RAD51B: variants seen among roughly 807,000 people sequenced by gnomAD.
RAD51B encodes DNA repair protein RAD51 homolog 2.
In RAD51B, 38 loss-of-function variants were observed where a neutral mutation model predicts 42.2. The ratio of observed to expected loss-of-function variants is 0.90; its 90% CI spans 0.70 to 1.18. The LOEUF is 1.18. RAD51B is among the 50% of genes most tolerant of loss of function. The pLI is 0.00. For synonymous variants in RAD51B, 154 were observed against 145.2 expected, an observed-to-expected ratio of 1.06 and a Z score of -0.43; for missense variants, 373 against 400.7, an observed-to-expected ratio of 0.93 and a Z score of 0.59.
intron 8 of RAD51B, among the ~76,000 whole-genome samples, chr14:68,310,429 A>G (rs2139724308): frequency 6.6e-6 from 1 of 152,298 alleles, no homozygotes; most frequent in East Asian, 1.9e-4. Flanking sequence ...TGAAGCCTGT[A>G]AACCACACGG....
In RAD51B at chr14:67,919,257, G is replaced by A. The variant is rs116000816; in HGVS notation, c.756+32053G>A. Among the ~76,000 whole-genome samples, 1,348 of 152,288 alleles carry A rather than the reference G, an allele frequency of 8.9e-3. 20 individuals are homozygous for A. Among genetic ancestry groups the A allele is most frequent in the African/African-American group, 0.031 (1,270 of 41,560 alleles). Reference sequence around the variant, plus strand: ...ATAGTATTCTGTGAAGGTTCGTAAAGTTTAGTACTGTAGGAAACCAGAATA... The same window carrying A: ...ATAGTATTCTGTGAAGGTTCGTAAAATTTAGTACTGTAGGAAACCAGAATA... On this transcript the variant is annotated intron_variant, in intron 7 of 10. Transcript: ENST00000471583.
chr14:68,240,252 T>A (rs979640705), intron 7 of RAD51B, among the ~76,000 whole-genome samples: 10 of 152,164 alleles, frequency 6.6e-5, no homozygotes, highest in African/African-American at 2.4e-4. Context: ...GTGCGATGAC[T>A]TAGAACAGCG....
intron 8 of RAD51B, among the ~76,000 whole-genome samples, chr14:68,362,253 C>T (rs2083040734): frequency 6.6e-6 from 1 of 152,080 alleles, no homozygotes; most frequent in South Asian, 2.1e-4. Flanking sequence ...TTTGTTAATC[C>T]TTGACTGGGG....
chr14:68,442,686 G>A (rs1261202593), intron 9 of RAD51B, among the ~76,000 whole-genome samples: 3 of 151,728 alleles, frequency 2.0e-5, no homozygotes, highest in East Asian at 1.9e-4. Flanking sequence ...TGATCCGCCC[G>A]CCTCGGCCTC....
intron 9 of RAD51B, among the ~76,000 whole-genome samples, chr14:68,434,129 C>T (rs958342065): frequency 2.0e-5 from 3 of 152,178 alleles, no homozygotes; most frequent in Non-Finnish European, 4.4e-5. Flanking sequence ...GGTACCTGGC[C>T]ATGTGAAGTG....
intron 8 of RAD51B, among the ~76,000 whole-genome samples, chr14:68,382,123 G>C (rs2083490932): frequency 6.6e-6 from 1 of 152,228 alleles, no homozygotes; most frequent in African/African-American, 2.4e-5. Flanking sequence ...CTGGCCAGTT[G>C]GTTTATCTAG....
intron 9 of RAD51B, among the ~76,000 whole-genome samples, chr14:68,457,403 G>A (rs1431431069): frequency 6.6e-6 from 1 of 152,104 alleles, no homozygotes; most frequent in Admixed American, 6.5e-5. Flanking sequence ...TGTAGTTAAA[G>A]CAGTAGTTAT....
At chr14:68,512,990 G>A (rs914064528) in intron 10 of RAD51B, among the ~76,000 whole-genome samples, 2 of 152,138 alleles carry the variant, frequency 1.3e-5, no homozygotes, top group Non-Finnish European at 2.9e-5. Context: ...AGGAACAAGT[G>A]TGATGTGTTT....
intron 10 of RAD51B, chr14:68,628,463 C>G (rs1402932670): frequency 6.6e-6 from 1 of 152,362 alleles, no homozygotes; most frequent in African/African-American, 2.4e-5. Flanking sequence ...CCGGGCCGCC[C>G]TGCTGCACAA....
At chr14:67,898,052 T>C (rs2043483047) in intron 7 of RAD51B, among the ~76,000 whole-genome samples, 1 of 152,158 alleles carries the variant, frequency 6.6e-6, no homozygotes, top group Admixed American at 6.5e-5. Context: ...TACCATATGA[T>C]CCAGCAGTCT....
At position 68,465,130 on chromosome 14, in the gene RAD51B, A is replaced by T. The variant is rs149204728; in HGVS notation, c.958-3042A>T. ...AAATAAAAAGGGTAATATTTTTAAAAATATAGCATGATACTTTATTTATTG... is the reference window on the plus strand; with the variant it reads ...AAATAAAAAGGGTAATATTTTTAAATATATAGCATGATACTTTATTTATTG... On this transcript the variant is annotated intron_variant, in intron 9 of 10. Transcript: ENST00000471583. Among the ~76,000 whole-genome samples the T allele has an allele frequency of 9.3e-4, 142 of 152,340 alleles. 3 individuals carry two copies. The highest frequency in any genetic ancestry group is 5.6e-4 in the Non-Finnish European group (38 of 68,028).
intron 7 of RAD51B, 157 bp downstream of exon 7, chr14:67,887,361 C>T: frequency 1.9e-6 from 1 of 532,042 alleles, no homozygotes; most frequent in South Asian, 3.4e-5. Context: ...GCAAACATCG[C>T]CATCATCTTA....
intron 7 of RAD51B, among the ~76,000 whole-genome samples, chr14:68,264,669 AG>A (rs964576427): frequency 2.0e-5 from 3 of 152,314 alleles, no homozygotes; most frequent in Admixed American, 2.0e-4. Flanking sequence ...AGTTATACGA[AG>A]TAGGAGGTTG....
At chr14:68,100,185 T>C (rs2077264514) in intron 7 of RAD51B, among the ~76,000 whole-genome samples, 1 of 152,148 alleles carries the variant, frequency 6.6e-6, no homozygotes, top group Non-Finnish European at 1.5e-5. Context: ...AGACCTCAAC[T>C]ATAGAAGGTA....
At chr14:68,419,601 C>T (rs1359645561) in intron 9 of RAD51B, among the ~76,000 whole-genome samples, 2 of 152,160 alleles carry the variant, frequency 1.3e-5, no homozygotes, top group East Asian at 3.8e-4. Context: ...CAACATCCTG[C>T]CACAGGGCTG....
At chr14:67,906,132 T>G (rs925145852) in intron 7 of RAD51B, among the ~76,000 whole-genome samples, 4 of 152,148 alleles carry the variant, frequency 2.6e-5, no homozygotes, top group Admixed American at 2.0e-4. Context: ...TTGAAAGCCT[T>G]TTCTGTGTCT....
At position 68,008,808 on chromosome 14, in the gene RAD51B, T is replaced by C. The variant is rs1386894719; in HGVS notation, c.756+121604T>C. 2.7e-4 allele frequency among the ~76,000 whole-genome samples: 41 copies of C among 152,148 alleles called. 1 individual carries two copies. Among genetic ancestry groups the C allele is most frequent in the Non-Finnish European group, 1.5e-5 (1 of 67,884 alleles). The stretch of plus-strand genomic sequence containing the variant: ...GGCAAATAGTGTCAATGAGTCCTGA[T>C]ACGTATTGCTAACTTGTCACTAGTT... On this transcript the variant is annotated intron_variant, in intron 7 of 10. Coordinates refer to ENST00000471583, the MANE Select transcript of RAD51B (RefSeq NM_133510.4).
intron 7 of RAD51B, among the ~76,000 whole-genome samples, chr14:68,083,588 A>C (rs546023310): frequency 1.3e-5 from 2 of 152,354 alleles, no homozygotes; most frequent in East Asian, 3.9e-4. Context: ...CGTGATATCT[A>C]GGAAAGAAAA....
At chr14:68,511,774 T>C (rs1566920619) in intron 10 of RAD51B, among the ~76,000 whole-genome samples, 1 of 151,038 alleles carries the variant, frequency 6.6e-6, no homozygotes. Context: ...AACTGAGGCC[T>C]CAGGGCATAT....
Sources: allele counts gnomAD v4.1 joint callset (sites outside exome capture counted in the v4.1 genomes callset), GRCh38; gene constraint gnomAD v4.1.1; transcripts MANE v1.5; gene names NCBI Gene and HGNC (gene_info 2026-07-23, HGNC 2026-07-21).